The following MTMR4 variants were observed in gnomAD, a reference collection of about 807,000 sequenced individuals.
MTMR4 encodes the protein phosphatidylinositol-3,5-bisphosphate 3-phosphatase MTMR4.
Under a neutral mutation model 125.5 loss-of-function variants are expected in MTMR4, and 30 were observed. The ratio of observed to expected loss-of-function variants is 0.24; its 90% confidence interval spans 0.18 to 0.32. MTMR4 has a LOEUF of 0.32. Among genes scored for constraint, MTMR4 ranks in the 10% least tolerant of loss-of-function variants. The pLI is 1.00. For missense variants in MTMR4, 1,039 were observed against 1,511.5 expected (o/e 0.69, Z 5.18); for synonymous variants, 498 against 564.5 (o/e 0.88, Z 1.67).
chr17:58,505,470 A>G lies in MTMR4; in HGVS notation c.1145+2T>C. On this transcript the variant is annotated splice_donor_variant, in intron 10 of 17. Coordinates refer to ENST00000682306, the MANE Select transcript of MTMR4 (RefSeq NM_001378067.1). LOFTEE classifies it high-confidence loss of function. Reference sequence around the variant, plus strand: ...GAAGGAATCCAAGTAGGGAACACCTACTTGCTAGGATCCGGCATCTGGCTA... The same window carrying G: ...GAAGGAATCCAAGTAGGGAACACCTGCTTGCTAGGATCCGGCATCTGGCTA... 1 of 1,608,280 alleles carries G rather than the reference A, an allele frequency of 6.2e-7. No individual in the cohort carries two copies. Among genetic ancestry groups the G allele is most frequent in the Non-Finnish European group, 8.5e-7 (1 of 1,175,762 alleles).
In MTMR4 at chr17:58,511,500, C is replaced by T. The variant is rs778134058; in HGVS notation, c.264G>A (p.Arg88=). ...FKDSVINVPL[R]MIDSVESRDM... ...CACGGCTCTCCACACTGTCAATCAT[C>T]CGGAGGGGGACCTGTAGAGGAAGGG... Residue 88 remains arginine (R), a synonymous_variant, in exon 4 of 18, where the codon CGG becomes CGA. Transcript: ENST00000682306. 8 of 1,612,712 alleles carry T rather than the reference C, an allele frequency of 5.0e-6. No individual in the cohort carries two copies. In the Middle Eastern group the frequency reaches 5.0e-4, roughly 100 times the overall value.
chr17:58,500,308 G>A (rs1975586508), intron 14 of MTMR4, among the ~76,000 whole-genome samples: 1 of 152,026 alleles, frequency 6.6e-6, no homozygotes. Flanking sequence ...TGCATTTTTT[G>A]TAGAGGTGGG....
At chr17:58,498,636 T>A (rs1466443580) in intron 14 of MTMR4, among the ~76,000 whole-genome samples, 1 of 151,474 alleles carries the variant, frequency 6.6e-6, no homozygotes, top group African/African-American at 2.4e-5. Flanking sequence ...GTAAGTCAGG[T>A]CAGTTGTTAC....
chr17:58,491,974 T>C, intron 17 of MTMR4, 134 bp from the exon 18 acceptor site: 1 of 591,974 alleles, frequency 1.7e-6, no homozygotes, highest in Non-Finnish European at 2.7e-6. Context: ...AGTTTGAGAC[T>C]TGCCTGAGCA....
Position 58,512,970 on chromosome 17 carries a change from C to A in MTMR4, c.46-29G>T. 1 of 1,548,012 alleles carries A rather than the reference C, an allele frequency of 6.5e-7. No individual in the cohort carries two copies. Among genetic ancestry groups the A allele is most frequent in the Non-Finnish European group, 8.9e-7 (1 of 1,122,540 alleles). ...TAGGAAGGCCACAGTCCTAAGTCACCAAGCTCCACTTAGCCCATCAGGCTC... is the reference window on the plus strand; with the variant it reads ...TAGGAAGGCCACAGTCCTAAGTCACAAAGCTCCACTTAGCCCATCAGGCTC... On this transcript the variant is annotated intron_variant, in intron 1 of 17. Coordinates refer to ENST00000682306, the MANE Select transcript of MTMR4 (RefSeq NM_001378067.1). The surrounding 1 kb of genome is among the most constrained non-coding windows in gnomAD (Gnocchi z 4.1).
chr17:58,495,140 G>C lies in MTMR4; in HGVS notation c.3044C>G (p.Pro1015Arg). The change falls in exon 15 of 18, where the codon CCT (proline) becomes CGT (arginine). Residue 1015 changes from proline to arginine, a missense_variant. Coordinates refer to ENST00000682306, the MANE Select transcript of MTMR4 (RefSeq NM_001378067.1). The stretch of plus-strand genomic sequence containing the variant: ...CAAATACAGAGGAGGCACTGGAGAA[G>C]GGCAGTTCAGTGGAACGGGCTTTGT... ...SSTKPVPLNC[P>R]SPVPPLYLDD... 6.2e-7 allele frequency: 1 copy of C among 1,614,280 alleles called. No homozygotes were observed. The highest frequency in any genetic ancestry group is 8.5e-7 in the Non-Finnish European group (1 of 1,180,054).
rs368471771 is a variant in MTMR4, at chr17:58,505,619, C to T, written c.1034-36G>A. The T allele has an allele frequency of 6.9e-5, 105 of 1,528,732 alleles. 1 individual carries two copies. The South Asian group carries it at 8.8e-4, about 13-fold the overall frequency. 94.7% of individuals were successfully genotyped at this position (1,528,732 alleles called of 1,614,324 possible). ...GACAGGAGAGTGGGACATAAAAGCA[C>T]GTCCTAGGCCGGGCGCGGTGGCTCA... On this transcript the variant is annotated intron_variant, in intron 9 of 17. Transcript: ENST00000682306.
chr17:58,503,712 A>G, intron 14 of MTMR4, 32 bp downstream of exon 14: 1 of 1,592,640 alleles, frequency 6.3e-7, no homozygotes, highest in Non-Finnish European at 8.6e-7. Flanking sequence ...TTCCTAGTGG[A>G]GAGAGGAGAA....
At chr17:58,503,113 A>G (rs1315025837) in intron 14 of MTMR4, among the ~76,000 whole-genome samples, 1 of 152,172 alleles carries the variant, frequency 6.6e-6, no homozygotes, top group African/African-American at 2.4e-5. Flanking sequence ...CAAGCTCCCC[A>G]TGCCCTGTAC....
chr17:58,502,350 G>C (rs1358268779), intron 14 of MTMR4, among the ~76,000 whole-genome samples: 2 of 151,814 alleles, frequency 1.3e-5, no homozygotes, highest in Admixed American at 6.6e-5. Flanking sequence ...TAGAGACAGG[G>C]TTTCACCATG....
chr17:58,513,053 A>G (rs1461225961), intron 1 of MTMR4, 112 bp from the exon 2 acceptor site: 7 of 783,098 alleles, frequency 8.9e-6, no homozygotes, highest in African/African-American at 1.8e-5. Context: ...ACACCTCTAA[A>G]GGTTCTGGTC....
upstream of MTMR4, among the ~76,000 whole-genome samples, chr17:58,518,312 G>A (rs746712391): frequency 3.3e-5 from 5 of 152,190 alleles, no homozygotes; most frequent in Non-Finnish European, 5.9e-5. Context: ...CCGCCCAGGA[G>A]GTACTTCTGA....
chr17:58,510,752 T>C (rs1286096887), intron 4 of MTMR4: 1 of 152,176 alleles, frequency 6.6e-6, no homozygotes, highest in East Asian at 1.9e-4. Context: ...ATTTTTTCTA[T>C]TTTTAGTAGA....
intron 14 of MTMR4, among the ~76,000 whole-genome samples, chr17:58,496,692 C>A (rs1416224013): frequency 6.6e-6 from 1 of 152,192 alleles, no homozygotes; most frequent in Non-Finnish European, 1.5e-5. Flanking sequence ...ATACCTGAGA[C>A]TCAAACCCAA....
upstream of MTMR4, chr17:58,514,986 AC>A: frequency 1.0e-6 from 1 of 983,876 alleles, no homozygotes; most frequent in Non-Finnish European, 1.2e-6. Context: ...CAAAACCACT[AC>A]CCACCATGCC....
At chr17:58,516,480 A>G, upstream of MTMR4, 3 of 1,254,134 alleles carry the variant, frequency 2.4e-6, no homozygotes, top group Non-Finnish European at 2.3e-6. Context: ...TGAACAGGGT[A>G]GCCTGGAGCT....
rs147732005 is a variant in MTMR4, at chr17:58,505,527, G to T, written c.1090C>A (p.Arg364=). 6.2e-7 allele frequency: 1 copy of T among 1,613,066 alleles called. No individual in the cohort carries two copies. Among genetic ancestry groups the T allele is most frequent in the Non-Finnish European group, 8.5e-7 (1 of 1,179,390 alleles). Residue 364 remains arginine, a synonymous_variant, in exon 10 of 18, where the codon CGG becomes AGG. Coordinates refer to ENST00000682306, the MANE Select transcript of MTMR4 (RefSeq NM_001378067.1). The stretch of plus-strand genomic sequence containing the variant: ...GCCCGGAGGTACTGAAAGCTGTTCC[G>T]GATGGCATGGATGTTGGCCATTCCC... ...FMGMANIHAI[R]NSFQYLRAVC... is the part of the protein sequence containing the mutation.
At chr17:58,516,514 G>C (rs1976089189), upstream of MTMR4, 1 of 1,572,272 alleles carries the variant, frequency 6.4e-7, no homozygotes, top group African/African-American at 1.4e-5. Flanking sequence ...AGGTGGGGCA[G>C]CTTCACAGAG....
chr17:58,505,658 AGC>A, intron 9 of MTMR4, 75 bp from the exon 10 acceptor site: 1 of 999,784 alleles, frequency 1.0e-6, no homozygotes, highest in Non-Finnish European at 1.5e-6. Context: ...CTGTAATCCC[AGC>A]ACTTTGGGAG....
Sources: gnomAD v4.1 joint callset for allele counts (sites outside exome capture counted in the v4.1 genomes callset) on GRCh38, gnomAD v4.1.1 for gene constraint, Gnocchi (gnomAD v3.1) non-coding constraint, MANE v1.5 for transcripts, NCBI Gene and HGNC (gene_info 2026-07-23, HGNC 2026-07-21) for gene names.